FBXL17: variants seen among roughly 807,000 people sequenced by gnomAD.
The protein encoded by FBXL17 is F-box and leucine rich repeat protein 17.
Under a neutral mutation model 66.2 loss-of-function variants are expected in FBXL17, and 22 were observed. The ratio of observed to expected loss-of-function variants is 0.33; its 90% CI spans 0.24 to 0.47. The LOEUF (loss-of-function observed/expected upper bound fraction) is 0.47, where lower values mean the gene tolerates loss of function less well. Ranked by LOEUF, FBXL17 falls within the 20% of genes least tolerant of loss-of-function variation. The probability of loss-of-function intolerance (pLI) is 1.00; values close to 1 mark genes in which losing one functional copy is unlikely to be tolerated. For synonymous variants in FBXL17, 474 were observed against 400.5 expected, an observed-to-expected ratio of 1.18 and a Z score of -2.19; for missense variants, 878 against 948.2, an observed-to-expected ratio of 0.93 and a Z score of 0.97.
intron 6 of FBXL17, among the ~76,000 whole-genome samples, chr5:108,178,375 C>T (rs1752877088): frequency 6.6e-6 from 1 of 151,848 alleles, no homozygotes; most frequent in Admixed American, 6.6e-5. Context: ...GTTTGGAAGC[C>T]CGGAATAATA....
intron 6 of FBXL17, among the ~76,000 whole-genome samples, chr5:108,132,511 A>T (rs901121409): frequency 2.0e-5 from 3 of 152,218 alleles, no homozygotes; most frequent in African/African-American, 2.4e-5. Context: ...AAGGGAATAA[A>T]TAATATTTTG....
intron 5 of FBXL17, among the ~76,000 whole-genome samples, chr5:108,192,619 C>A (rs183145053): frequency 1.1e-3 from 174 of 152,190 alleles, no homozygotes; most frequent in Non-Finnish European, 2.2e-3. Flanking sequence ...TGGTGAAACC[C>A]TGTCTCTACT....
chr5:108,216,739 A>G (rs2416527), intron 5 of FBXL17, among the ~76,000 whole-genome samples: 7,550 of 152,218 alleles, frequency 0.05, 631 homozygotes, highest in African/African-American at 0.17. Context: ...TCATCCCCAC[A>G]TAACATAAAA....
chr5:108,160,449 CAAAG>C (rs774666174), intron 6 of FBXL17, among the ~76,000 whole-genome samples: 2 of 152,082 alleles, frequency 1.3e-5, no homozygotes, highest in Non-Finnish European at 2.9e-5. Flanking sequence ...TCTTGTGAAA[CAAAG>C]AGAAGAAGAA....
At chr5:108,054,167 C>T (rs1442314390) in intron 6 of FBXL17, among the ~76,000 whole-genome samples, 1 of 151,770 alleles carries the variant, frequency 6.6e-6, no homozygotes, top group East Asian at 1.9e-4. Flanking sequence ...TGCAGCAAAC[C>T]ATCATGGCAC....
Position 107,946,256 on chromosome 5 carries a change from TATA to T in FBXL17, c.1823-65080_1823-65078del, listed in dbSNP as rs1347300318. ...ATTATTACTTTTATCAATCTCATTT[TATA>T]TATATATATATATATATATATATAT... On this transcript the variant is annotated intron_variant, in intron 7 of 8. Transcript: ENST00000542267. Among the ~76,000 whole-genome samples, 66 of 16,462 alleles carry T rather than the reference TATA, an allele frequency of 4.0e-3. 2 individuals carry two copies. Among genetic ancestry groups the T allele is most frequent in the African/African-American group, 0.017 (60 of 3,616 alleles). 10.8% of individuals were successfully genotyped at this position (16,462 alleles called of 152,430 possible).
intron 4 of FBXL17, among the ~76,000 whole-genome samples, chr5:108,231,581 T>G (rs1755343213): frequency 6.6e-6 from 1 of 152,188 alleles, no homozygotes; most frequent in East Asian, 1.9e-4. Context: ...CAGTACATTC[T>G]GCTGGCCTAG....
chr5:107,869,965 A>C (rs1010676736), intron 8 of FBXL17, among the ~76,000 whole-genome samples: 1 of 152,228 alleles, frequency 6.6e-6, no homozygotes, highest in Non-Finnish European at 1.5e-5. Flanking sequence ...TACAATGGCA[A>C]GCAAGATACA....
At chr5:108,107,685 A>G (rs912774337) in intron 6 of FBXL17, among the ~76,000 whole-genome samples, 1 of 151,476 alleles carries the variant, frequency 6.6e-6, no homozygotes, top group African/African-American at 2.4e-5. Flanking sequence ...GGTGGCGGGC[A>G]CCTGTAGTCC....
At chr5:108,066,126 T>A (rs1748108226) in intron 6 of FBXL17, among the ~76,000 whole-genome samples, 1 of 152,110 alleles carries the variant, frequency 6.6e-6, no homozygotes, top group Admixed American at 6.5e-5. Flanking sequence ...CTTTCAAATG[T>A]CAGAATCCTA....
chr5:108,146,344 C>A (rs181661402), intron 6 of FBXL17, among the ~76,000 whole-genome samples: 1 of 151,558 alleles, frequency 6.6e-6, no homozygotes, highest in Non-Finnish European at 1.5e-5. Context: ...CATATTCGAA[C>A]GAGGATTAAT....
chr5:108,016,605 G>A (rs1245705265), intron 7 of FBXL17, among the ~76,000 whole-genome samples: 1 of 151,948 alleles, frequency 6.6e-6, no homozygotes, highest in African/African-American at 2.4e-5. Context: ...GGAGATAAGC[G>A]CTTTATTCAT....
At chr5:107,898,456 A>G (rs1341237421) in intron 7 of FBXL17, among the ~76,000 whole-genome samples, 1 of 152,082 alleles carries the variant, frequency 6.6e-6, no homozygotes, top group African/African-American at 2.4e-5. Flanking sequence ...TTTCCACTTA[A>G]TGAATAATAA....
At chr5:108,182,743 C>G (rs1351012046) in intron 6 of FBXL17, among the ~76,000 whole-genome samples, 2 of 152,020 alleles carry the variant, frequency 1.3e-5, no homozygotes, top group African/African-American at 4.8e-5. Flanking sequence ...TGAAGCCTAA[C>G]AAAGGGAAGG....
At chr5:108,012,562 A>C (rs1754215681) in intron 7 of FBXL17, among the ~76,000 whole-genome samples, 1 of 152,328 alleles carries the variant, frequency 6.6e-6, no homozygotes, top group African/African-American at 2.4e-5. Context: ...CTACTGGAAA[A>C]AAAAGTGTTG....
chr5:108,109,898 G>C (rs960844567), intron 6 of FBXL17, among the ~76,000 whole-genome samples: 3 of 152,120 alleles, frequency 2.0e-5, no homozygotes, highest in African/African-American at 7.2e-5. Flanking sequence ...ACAGAAGGTG[G>C]GGTCATGGGG....
At chr5:108,012,487 C>T (rs968234807) in intron 7 of FBXL17, among the ~76,000 whole-genome samples, 2 of 152,068 alleles carry the variant, frequency 1.3e-5, no homozygotes, top group Admixed American at 6.5e-5. Context: ...TTTTCATATG[C>T]AGATTAACAA....
At chr5:108,152,141 A>C (rs1751796056) in intron 6 of FBXL17, among the ~76,000 whole-genome samples, 1 of 152,246 alleles carries the variant, frequency 6.6e-6, no homozygotes. Flanking sequence ...CAAAAGATTT[A>C]ACCAGAAGCA....
intron 4 of FBXL17, among the ~76,000 whole-genome samples, chr5:108,232,045 T>G (rs1755366516): frequency 6.6e-6 from 1 of 152,188 alleles, no homozygotes. Context: ...AAGGTAGTCA[T>G]CAGTACCAGC....
Sources: gnomAD v4.1 joint callset for allele counts (sites outside exome capture counted in the v4.1 genomes callset) on GRCh38, gnomAD v4.1.1 for gene constraint, MANE v1.5 for transcripts, NCBI Gene and HGNC (gene_info 2026-07-23, HGNC 2026-07-21) for gene names.